DAB1: variants seen among roughly 807,000 people sequenced by gnomAD.
The protein encoded by DAB1 is disabled homolog 1.
A neutral mutation model predicts 64.6 loss-of-function variants in DAB1; 15 were observed. The ratio of observed to expected loss-of-function variants is 0.23; its 90% CI spans 0.16 to 0.36. The LOEUF (loss-of-function observed/expected upper bound fraction) is 0.36, where lower values mean the gene tolerates loss of function less well. Among genes scored for constraint, DAB1 ranks in the 10% least tolerant of loss-of-function variants. The pLI, the probability that DAB1 is intolerant of heterozygous loss-of-function variation, is 1.00. For missense variants in DAB1, 596 were observed against 706.7 expected (o/e 0.84, Z 1.78); for synonymous variants, 235 against 251.9 (o/e 0.93, Z 0.64).
chr1:57,743,282 C>A (rs1016067184), intron 6 of DAB1, among the ~76,000 whole-genome samples: 1 of 152,148 alleles, frequency 6.6e-6, no homozygotes, highest in African/African-American at 2.4e-5. Flanking sequence ...TTCTGCCCCA[C>A]CCTAACTGAT....
In DAB1 at chr1:57,355,004, A is replaced by G. The variant is rs190699378; in HGVS notation, c.-136-63838T>C. Reference sequence around the variant, plus strand: ...AATTCCTAAGGGCCACCCAAAACTGAGTGTCTTCTTGGCCCAAAGAAAGAA... The same window carrying G: ...AATTCCTAAGGGCCACCCAAAACTGGGTGTCTTCTTGGCCCAAAGAAAGAA... On this transcript the variant is annotated intron_variant, in intron 1 of 14. Transcript: ENST00000371236. Among the ~76,000 whole-genome samples the G allele has an allele frequency of 1.3e-5, 2 of 152,162 alleles. 1 individual carries two copies. The highest frequency in any genetic ancestry group is 1.3e-4 in the Admixed American group (2 of 15,282).
intron 5 of DAB1, among the ~76,000 whole-genome samples, chr1:58,077,402 A>G (rs1308102084): frequency 6.6e-6 from 1 of 152,182 alleles, no homozygotes; most frequent in African/African-American, 2.4e-5. Flanking sequence ...AAATTGACCA[A>G]AGGGGTTCAT....
At chr1:57,667,099 G>T (rs1646457743) in intron 6 of DAB1, among the ~76,000 whole-genome samples, 2 of 152,040 alleles carry the variant, frequency 1.3e-5, no homozygotes, top group South Asian at 4.2e-4. Flanking sequence ...CACTCTTCCT[G>T]CCTTAGAGTT....
At chr1:58,049,392 C>T (rs1300397516) in intron 5 of DAB1, 1 of 503,158 alleles carries the variant, frequency 2.0e-6, no homozygotes, top group Admixed American at 2.7e-5. Flanking sequence ...ACTATTTTTG[C>T]ACTTCTTTCC....
intron 7 of DAB1, among the ~76,000 whole-genome samples, chr1:57,532,805 GGT>G (rs1282880506): frequency 1.3e-5 from 2 of 152,090 alleles, no homozygotes; most frequent in African/African-American, 2.4e-5. Context: ...AGACAGCACA[GGT>G]AAAAGTGCCT....
chr1:58,484,535 T>C (rs1645542439), intron 3 of DAB1, among the ~76,000 whole-genome samples: 1 of 152,166 alleles, frequency 6.6e-6, no homozygotes, highest in Admixed American at 6.5e-5. Flanking sequence ...TCAGAATCCT[T>C]AGAAAATATC....
chr1:57,107,066 C>T (rs1655230076), intron 4 of DAB1, among the ~76,000 whole-genome samples: 1 of 151,982 alleles, frequency 6.6e-6, no homozygotes, highest in Non-Finnish European at 1.5e-5. Context: ...AAAAAGATTT[C>T]CCCAAGTATT....
intron 6 of DAB1, among the ~76,000 whole-genome samples, chr1:57,731,299 GT>G (rs1176945593): frequency 6.6e-6 from 1 of 152,170 alleles, no homozygotes; most frequent in Non-Finnish European, 1.5e-5. Flanking sequence ...CAGTGGGATG[GT>G]GGTTTCCAGG....
intron 1 of DAB1, among the ~76,000 whole-genome samples, chr1:57,381,884 C>T (rs1237080410): frequency 2.0e-5 from 3 of 152,134 alleles, no homozygotes; most frequent in Admixed American, 6.6e-5. Context: ...ACAGAGATAG[C>T]CCCTGGTCCT....
chr1:57,175,767 C>T (rs1326615005), intron 2 of DAB1, among the ~76,000 whole-genome samples: 2 of 152,122 alleles, frequency 1.3e-5, no homozygotes. Flanking sequence ...AATTCTTATG[C>T]TATTGGACAA....
chr1:58,127,216 T>C (rs1272278954), intron 5 of DAB1, among the ~76,000 whole-genome samples: 1 of 152,194 alleles, frequency 6.6e-6, no homozygotes, highest in South Asian at 2.1e-4. Context: ...CCAGTGATGA[T>C]GAGCATTTTT....
intron 1 of DAB1, among the ~76,000 whole-genome samples, chr1:57,421,890 GAT>G (rs1684915223): frequency 7.4e-6 from 1 of 135,422 alleles, no homozygotes; most frequent in Non-Finnish European, 1.6e-5. Flanking sequence ...GAGTGAAAGA[GAT>G]GGGGGGTGGC....
intron 7 of DAB1, among the ~76,000 whole-genome samples, chr1:57,459,102 T>G (rs1686696606): frequency 1.3e-5 from 2 of 152,134 alleles, no homozygotes. Context: ...GAACCTATTA[T>G]CAAAATAAAC....
chr1:57,240,308 A>C (rs1483328246), intron 2 of DAB1, among the ~76,000 whole-genome samples: 1 of 152,198 alleles, frequency 6.6e-6, no homozygotes, highest in Non-Finnish European at 1.5e-5. Flanking sequence ...GAAAACAAAT[A>C]ATAATACACT....
intron 3 of DAB1, chr1:58,468,653 A>G (rs924008750): frequency 2.0e-5 from 3 of 152,370 alleles, no homozygotes; most frequent in Admixed American, 6.5e-5. Flanking sequence ...GTGAGTCTGA[A>G]GTGCGAGAAA....
intron 3 of DAB1, among the ~76,000 whole-genome samples, chr1:58,433,113 C>G (rs577875788): frequency 1.1e-3 from 161 of 152,290 alleles, no homozygotes; most frequent in African/African-American, 3.6e-3. Context: ...CCCACACCCC[C>G]CCTATTTCGT....
upstream of DAB1, among the ~76,000 whole-genome samples, chr1:57,886,246 C>T (rs1644220381): frequency 6.6e-6 from 1 of 151,938 alleles, no homozygotes; most frequent in Non-Finnish European, 1.5e-5. Context: ...GCAACCTCCG[C>T]CTCCCGGCTT....
chr1:58,113,921 C>G (rs752437407), intron 5 of DAB1, among the ~76,000 whole-genome samples: 47 of 151,930 alleles, frequency 3.1e-4, no homozygotes, highest in Non-Finnish European at 5.7e-4. Context: ...AGGTGCCCCC[C>G]CAAAGTGAGA....
chr1:57,120,706 T>C, intron 4 of DAB1, among the ~76,000 whole-genome samples: 1 of 152,198 alleles, frequency 6.6e-6, no homozygotes, highest in East Asian at 1.9e-4. Context: ...AGAAGACTCA[T>C]ATAATATTTG....
Sources: gnomAD v4.1 joint callset for allele counts (sites outside exome capture counted in the v4.1 genomes callset) on GRCh38, gnomAD v4.1.1 for gene constraint, MANE v1.5 for transcripts, NCBI Gene and HGNC (gene_info 2026-07-23, HGNC 2026-07-21) for gene names.